Variants in WDPCP observed in about 807,000 individuals in gnomAD.
The protein encoded by WDPCP is WD repeat containing planar cell polarity effector.
A neutral mutation model predicts 93.1 loss-of-function variants in WDPCP; 71 were observed. That is an observed-to-expected ratio of 0.76 (90% CI 0.63 to 0.93). The LOEUF (loss-of-function observed/expected upper bound fraction) is 0.93. Ranked by LOEUF, WDPCP falls within the 40% of genes least tolerant of loss-of-function variation. The pLI is 0.00. For missense variants in WDPCP, 844 were observed against 887.4 expected, an observed-to-expected ratio of 0.95 and a Z score of 0.62; for synonymous variants, 315 against 315.0, an observed-to-expected ratio of 1.00 and a Z score of 0.00.
chr2:63,771,534 C>T (rs574135557), intron 2 of WDPCP, among the ~76,000 whole-genome samples: 8 of 151,834 alleles, frequency 5.3e-5, no homozygotes, highest in African/African-American at 1.4e-4. Context: ...AACTTGCCAA[C>T]TTGTTTTTTT....
At chr2:63,806,599 G>A (rs1475495343) in intron 2 of WDPCP, among the ~76,000 whole-genome samples, 2 of 152,114 alleles carry the variant, frequency 1.3e-5, no homozygotes, top group East Asian at 3.9e-4. Context: ...ATAAGCCTGG[G>A]AGCGCTATGG....
chr2:63,188,609 GA>G (rs1674812278), intron 14 of WDPCP, among the ~76,000 whole-genome samples: 2 of 151,778 alleles, frequency 1.3e-5, no homozygotes, highest in Non-Finnish European at 2.9e-5. Context: ...GCTAGGATCA[GA>G]GGCTTGAGCC....
chr2:63,317,994 G>C (rs185994540), intron 12 of WDPCP, among the ~76,000 whole-genome samples: 1 of 151,996 alleles, frequency 6.6e-6, no homozygotes, highest in Non-Finnish European at 1.5e-5. Flanking sequence ...CTACAGAATG[G>C]GAGAAAATAT....
At chr2:63,809,530 A>G (rs1448099664) in intron 2 of WDPCP, among the ~76,000 whole-genome samples, 8 of 152,248 alleles carry the variant, frequency 5.3e-5, no homozygotes, top group African/African-American at 9.6e-5. Flanking sequence ...TGTAGAAAGA[A>G]GTAGACATGG....
intron 14 of WDPCP, among the ~76,000 whole-genome samples, chr2:63,216,968 A>T (rs1677411943): frequency 6.6e-6 from 1 of 152,192 alleles, no homozygotes; most frequent in South Asian, 2.1e-4. Flanking sequence ...AATTGGTAGG[A>T]TTCTTGAACC....
chr2:63,340,859 T>C (rs1688785027), intron 12 of WDPCP, among the ~76,000 whole-genome samples: 1 of 152,194 alleles, frequency 6.6e-6, no homozygotes, highest in Non-Finnish European at 1.5e-5. Context: ...ACTGCCATTT[T>C]AAATCCAGAA....
chr2:63,214,759 T>C (rs1444319042), intron 14 of WDPCP, among the ~76,000 whole-genome samples: 1 of 152,152 alleles, frequency 6.6e-6, no homozygotes, highest in African/African-American at 2.4e-5. Flanking sequence ...TAAGCTGATA[T>C]GCAACATCAG....
chr2:63,839,898 A>G, the WDPCP span, among the ~76,000 whole-genome samples: 2 of 152,198 alleles, frequency 1.3e-5, no homozygotes, highest in African/African-American at 4.8e-5. Flanking sequence ...CACAGTACCA[A>G]TGGTTGTCAT....
chr2:63,771,690 C>A (rs1349377465), intron 2 of WDPCP, among the ~76,000 whole-genome samples: 1 of 151,876 alleles, frequency 6.6e-6, no homozygotes, highest in Non-Finnish European at 1.5e-5. Context: ...TTTTTCCTTG[C>A]CCCCTCACTC....
chr2:63,268,156 A>AT (rs1480643593), intron 13 of WDPCP, among the ~76,000 whole-genome samples: 1 of 152,188 alleles, frequency 6.6e-6, no homozygotes, highest in Non-Finnish European at 1.5e-5. Flanking sequence ...AAATAAGAAA[A>AT]TTTTTTCATT....
At chr2:63,575,633 A>G (rs1575685255) in intron 1 of WDPCP, among the ~76,000 whole-genome samples, 1 of 148,538 alleles carries the variant, frequency 6.7e-6, no homozygotes, top group East Asian at 2.0e-4. Context: ...TATTTACTAT[A>G]CAGTATATAT....
intron 14 of WDPCP, among the ~76,000 whole-genome samples, chr2:63,187,553 A>C (rs1018789176): frequency 2.6e-5 from 4 of 152,156 alleles, no homozygotes; most frequent in African/African-American, 9.7e-5. Context: ...AGTTATAACA[A>C]ATCTATTTTA....
chr2:63,706,265 C>A (rs1254989980), intron 2 of WDPCP, among the ~76,000 whole-genome samples: 1 of 152,038 alleles, frequency 6.6e-6, no homozygotes, highest in Non-Finnish European at 1.5e-5. Flanking sequence ...CCAGTCTGTG[C>A]CTTTTAATTG....
chr2:63,195,346 G>A (rs1025599909), intron 14 of WDPCP, among the ~76,000 whole-genome samples: 9 of 152,282 alleles, frequency 5.9e-5, no homozygotes, highest in Non-Finnish European at 8.8e-5. Flanking sequence ...TCTTAAGCAG[G>A]TCACGTAATC....
intron 15 of WDPCP, among the ~76,000 whole-genome samples, chr2:63,169,840 T>A (rs1673250866): frequency 6.6e-6 from 1 of 152,046 alleles, no homozygotes; most frequent in Non-Finnish European, 1.5e-5. Context: ...CCCTGTAACT[T>A]ATTTTTCATT....
chr2:63,542,297 G>GA (rs1196100736), intron 1 of WDPCP, among the ~76,000 whole-genome samples: 1 of 152,122 alleles, frequency 6.6e-6, no homozygotes, highest in Non-Finnish European at 1.5e-5. Flanking sequence ...GACAGATTTG[G>GA]ACGAGAAAGT....
At chr2:63,670,965 G>A (rs1390950095) in intron 2 of WDPCP, among the ~76,000 whole-genome samples, 3 of 152,160 alleles carry the variant, frequency 2.0e-5, no homozygotes, top group African/African-American at 4.8e-5. Context: ...AGGCATAGTT[G>A]CCACTGCTAC....
Position 63,321,386 on chromosome 2 carries a change from CTGTGTGTG to C in WDPCP, c.1749-8083_1749-8076del, listed in dbSNP as rs59970085. Among the ~76,000 whole-genome samples, 354 of 148,634 alleles carry C rather than the reference CTGTGTGTG, an allele frequency of 2.4e-3. 1 individual carries two copies. Among genetic ancestry groups the C allele is most frequent in the African/African-American group, 4.9e-3 (200 of 40,618 alleles). Reference sequence around the variant, plus strand: ...GTGTGTATAGACATATATATACACTCTGTGTGTGTGTGTGTGTGTGTGTGTGTGTGTGT... The same window carrying C: ...GTGTGTATAGACATATATATACACTCTGTGTGTGTGTGTGTGTGTGTGTGT... On this transcript the variant is annotated intron_variant, in intron 12 of 17. Transcript: ENST00000272321.
chr2:63,714,149 G>A (rs541559737), intron 2 of WDPCP, among the ~76,000 whole-genome samples: 2 of 150,114 alleles, frequency 1.3e-5, no homozygotes, highest in Non-Finnish European at 3.0e-5. Flanking sequence ...TCTGCCTCCC[G>A]GGTTCAAGTG....
Sources: allele counts gnomAD v4.1 joint callset (sites outside exome capture counted in the v4.1 genomes callset), GRCh38; gene constraint gnomAD v4.1.1; transcripts MANE v1.5; gene names NCBI Gene and HGNC (gene_info 2026-07-23, HGNC 2026-07-21).